Variants in CNRIP1 observed in about 807,000 individuals in gnomAD.
The protein encoded by CNRIP1 is cannabinoid receptor interacting protein 1.
A neutral mutation model predicts 15.2 loss-of-function variants in CNRIP1; 10 were observed. That is an observed-to-expected ratio of 0.66 (90% CI 0.41 to 1.12). CNRIP1 has a LOEUF of 1.12. Among genes scored for constraint, CNRIP1 ranks in the 50% most tolerant of loss-of-function variants. The probability of loss-of-function intolerance (pLI) is 0.00; values close to 1 mark genes in which losing one functional copy is unlikely to be tolerated. For missense variants in CNRIP1, 211 were observed against 214.7 expected, an observed-to-expected ratio of 0.98 and a Z score of 0.11; for synonymous variants, 91 against 83.2, an observed-to-expected ratio of 1.09 and a Z score of -0.51.
intron 2 of CNRIP1, among the ~76,000 whole-genome samples, chr2:68,285,933 G>A (rs1474668414): frequency 1.3e-5 from 2 of 152,264 alleles, no homozygotes; most frequent in East Asian, 3.9e-4. Context: ...CCAGGGAAAG[G>A]TGAAATGCTA....
chr2:68,316,005 G>C (rs1672253578), intron 2 of CNRIP1: 1 of 152,142 alleles, frequency 6.6e-6, no homozygotes, highest in Non-Finnish European at 1.5e-5. Flanking sequence ...GTATTTTTCT[G>C]TGTTGAAGGT....
intron 2 of CNRIP1, among the ~76,000 whole-genome samples, chr2:68,298,297 T>G (rs1412330056): frequency 6.6e-6 from 1 of 152,104 alleles, no homozygotes; most frequent in Non-Finnish European, 1.5e-5. Context: ...TATTTTGTAA[T>G]AAAATATACA....
intron 2 of CNRIP1, among the ~76,000 whole-genome samples, chr2:68,299,110 C>T (rs1261483310): frequency 6.6e-6 from 1 of 152,096 alleles, no homozygotes; most frequent in Non-Finnish European, 1.5e-5. Context: ...GATGATTTGC[C>T]CTCAGTCTAG....
chr2:68,306,172 C>T lies in CNRIP1; in HGVS notation c.330+10985G>A, dbSNP rs896992653. 7.0e-5 allele frequency among the ~76,000 whole-genome samples: 8 copies of T among 114,178 alleles called. No homozygotes were observed. In the East Asian group the frequency reaches 1.1e-3, roughly 16 times the overall value. 74.9% of individuals were successfully genotyped at this position (114,178 alleles called of 152,430 possible). A position where few individuals can be genotyped will look rare whatever the true frequency, so the allele number is the denominator to read the frequency against. ...AAAAATTAGCTGGGTGTGGGTGGTA[C>T]GTAGTGGTAGTCCTAGCTACTCAGC... On this transcript the variant is annotated intron_variant, in intron 2 of 2. Transcript: ENST00000263655.
chr2:68,308,989 A>C (rs1671975155), intron 2 of CNRIP1, among the ~76,000 whole-genome samples: 1 of 152,206 alleles, frequency 6.6e-6, no homozygotes, highest in Admixed American at 6.5e-5. Context: ...AGAAGAAAAA[A>C]AAGTTAAAAA....
At chr2:68,302,949 G>A (rs912660160) in intron 2 of CNRIP1, among the ~76,000 whole-genome samples, 4 of 147,368 alleles carry the variant, frequency 2.7e-5, no homozygotes, top group African/African-American at 5.1e-5. Context: ...CGGGGTTCAC[G>A]CCATTCTCCT....
In CNRIP1 at chr2:68,311,986, T is replaced by C. The variant is rs191769694; in HGVS notation, c.330+5171A>G. ...AATAGCCCGATATCTATTAACGAAATTGAATTTGTAATAAAAAATCTTCAA... is the reference window on the plus strand; with the variant it reads ...AATAGCCCGATATCTATTAACGAAACTGAATTTGTAATAAAAAATCTTCAA... On this transcript the variant is annotated intron_variant, in intron 2 of 2. Transcript: ENST00000263655. 8.0e-4 allele frequency among the ~76,000 whole-genome samples: 121 copies of C among 152,132 alleles called. 2 individuals are homozygous for C. Among genetic ancestry groups the C allele is most frequent in the Non-Finnish European group, 1.6e-3 (109 of 67,988 alleles).
In CNRIP1 at chr2:68,319,532, G is replaced by T. The variant is rs990678411; in HGVS notation, c.-132C>A. On this transcript the variant is annotated 5_prime_UTR_variant, in exon 1 of 3. Coordinates refer to ENST00000263655, the MANE Select transcript of CNRIP1 (RefSeq NM_015463.3). ...GGGAGGTGGTGGAGCTGAGGCTGCC[G>T]CTAGGAACCCGCGCCGTCGCCGCCG... The T allele has an allele frequency of 3.8e-5, 37 of 978,152 alleles. No homozygotes were observed. The highest frequency in any genetic ancestry group is 4.1e-5 in the Non-Finnish European group (29 of 703,076). 60.6% of individuals were successfully genotyped at this position (978,152 alleles called of 1,614,324 possible).
chr2:68,286,330 A>T (rs955463208), intron 2 of CNRIP1, among the ~76,000 whole-genome samples: 2 of 152,080 alleles, frequency 1.3e-5, no homozygotes, highest in African/African-American at 4.8e-5. Flanking sequence ...ACACACACAC[A>T]CACACACACA....
chr2:68,310,326 C>A (rs1229989639), intron 2 of CNRIP1, among the ~76,000 whole-genome samples: 1 of 152,124 alleles, frequency 6.6e-6, no homozygotes, highest in East Asian at 1.9e-4. Flanking sequence ...GAAACTCCAT[C>A]TCAAATAAAG....
intron 2 of CNRIP1, among the ~76,000 whole-genome samples, chr2:68,305,259 A>AAAATATATAT (rs1267101468): frequency 3.0e-5 from 3 of 100,362 alleles, no homozygotes; most frequent in Admixed American, 2.3e-4. Flanking sequence ...AAAAAAAAAA[A>AAAATATATAT]ATATATATAT....
At chr2:68,297,802 G>A (rs1671434099) in intron 2 of CNRIP1, among the ~76,000 whole-genome samples, 1 of 152,078 alleles carries the variant, frequency 6.6e-6, no homozygotes, top group African/African-American at 2.4e-5. Context: ...GGAATTTAGG[G>A]TTGTCGATGA....
rs997855995 is a variant in CNRIP1, at chr2:68,293,799, C to T, written c.*63G>A. The T allele has an allele frequency of 1.4e-5, 22 of 1,581,332 alleles. No homozygotes were observed. In the East Asian group the frequency reaches 1.6e-4, roughly 11 times the overall value. The stretch of plus-strand genomic sequence containing the variant: ...TGTGGCATGCCTTGTTTAAGGCCTG[C>T]GCTGGTTTATCTAAAAGTAGATTTC... On this transcript the variant is annotated 3_prime_UTR_variant, in exon 3 of 3. Coordinates refer to ENST00000263655, the MANE Select transcript of CNRIP1 (RefSeq NM_015463.3).
chr2:68,314,341 C>A (rs1365264071), intron 2 of CNRIP1, among the ~76,000 whole-genome samples: 2 of 151,768 alleles, frequency 1.3e-5, no homozygotes, highest in Non-Finnish European at 1.5e-5. Context: ...TAGAATTTAG[C>A]AATATATTAA....
downstream of CNRIP1, among the ~76,000 whole-genome samples, chr2:68,288,521 A>G (rs1029006294): frequency 6.6e-6 from 1 of 152,210 alleles, no homozygotes; most frequent in African/African-American, 2.4e-5. Context: ...TGTATTTTTC[A>G]TTTGTTAGCA....
chr2:68,303,654 A>T (rs999898275), intron 2 of CNRIP1, among the ~76,000 whole-genome samples: 3 of 152,250 alleles, frequency 2.0e-5, no homozygotes, highest in African/African-American at 7.2e-5. Flanking sequence ...AAGAATTTCT[A>T]TATCTTTTTG....
intron 2 of CNRIP1, among the ~76,000 whole-genome samples, chr2:68,301,152 G>A (rs899151776): frequency 6.6e-6 from 1 of 152,064 alleles, no homozygotes; most frequent in African/African-American, 2.4e-5. Flanking sequence ...ATTTTTATTT[G>A]CTTGAAGTAT....
At chr2:68,318,049 C>T (rs1412257063) in intron 1 of CNRIP1, among the ~76,000 whole-genome samples, 2 of 151,004 alleles carry the variant, frequency 1.3e-5, no homozygotes, top group South Asian at 2.1e-4. Context: ...CAGATAACTC[C>T]GGGGATAAGG....
At position 68,319,349 on chromosome 2, in the gene CNRIP1, G is replaced by T; in HGVS notation, c.52C>A (p.Pro18Thr). ...TTGTAAAAGACCGGGCCGTCATTAG[G>T]CTGGATGCGCAGCGCGATGGAGAGG... The part of the protein sequence containing the change: ...VRLSIALRIQ[P>T]NDGPVFYKVD... The change falls in exon 1 of 3, where the codon CCT becomes ACT. Residue 18 changes from proline to threonine, a missense_variant. Transcript: ENST00000263655. The T allele has an allele frequency of 6.3e-7, 1 of 1,581,792 alleles. No homozygotes were observed. The highest frequency in any genetic ancestry group is 8.6e-7 in the Non-Finnish European group (1 of 1,164,364).
Sources: allele counts gnomAD v4.1 joint callset (sites outside exome capture counted in the v4.1 genomes callset), GRCh38; gene constraint gnomAD v4.1.1; transcripts MANE v1.5; gene names NCBI Gene and HGNC (gene_info 2026-07-23, HGNC 2026-07-21).